The following SLBP variants were observed in gnomAD, a reference collection of about 807,000 sequenced individuals.
SLBP encodes stem-loop histone mRNA binding protein.
SLBP carries 29 observed loss-of-function variants against 39.2 expected under a neutral mutation model. The ratio of observed to expected loss-of-function variants is 0.74; its 90% CI spans 0.55 to 1.01. The LOEUF (loss-of-function observed/expected upper bound fraction) is 1.01, where lower values mean the gene tolerates loss of function less well. SLBP is among the 50% of genes least tolerant of loss of function. The probability of loss-of-function intolerance (pLI) is 0.00; values close to 1 mark genes in which losing one functional copy is unlikely to be tolerated. For missense variants in SLBP, 390 were observed against 350.2 expected (o/e 1.11, Z -0.91); for synonymous variants, 129 against 118.7 (o/e 1.09, Z -0.57).
At chr4:1,702,022 T>C (rs1469144619) in intron 3 of SLBP, among the ~76,000 whole-genome samples, 1 of 152,114 alleles carries the variant, frequency 6.6e-6, no homozygotes, top group African/African-American at 2.4e-5. Flanking sequence ...CACAGACCCA[T>C]GAGATATCTG....
rs112502096 is a variant in SLBP, at chr4:1,696,435, T to C, written c.480-84A>G. 2.0e-5 allele frequency: 24 copies of C among 1,174,480 alleles called. No homozygotes were observed. The African/African-American group carries it at 3.2e-4, about 16-fold the overall frequency. 72.8% of individuals were successfully genotyped at this position (1,174,480 alleles called of 1,614,324 possible). On this transcript the variant is annotated intron_variant, in intron 5 of 7. Transcript: ENST00000489418. The stretch of plus-strand genomic sequence containing the variant: ...CCTGAAGATTAACCAAACTATGAGA[T>C]TAGTATTATTTTAAATATTACAGAT...
intron 2 of SLBP, among the ~76,000 whole-genome samples, chr4:1,705,086 T>C (rs1325632179): frequency 6.6e-6 from 1 of 152,066 alleles, no homozygotes; most frequent in East Asian, 1.9e-4. Flanking sequence ...AGCCACCACG[T>C]CCAGCTAATT....
rs1716109029 is a variant in SLBP at position 1,696,474 on chromosome 4, GGC to G, written c.480-125_480-124del. On this transcript the variant is annotated intron_variant, in intron 5 of 7. Coordinates refer to ENST00000489418, the MANE Select transcript of SLBP (RefSeq NM_006527.4). ...AATATTACAGATCACCAGGCATGGT[GGC>G]TCATGCCTGTAATCCTAGCATTTTG... The G allele has an allele frequency of 1.1e-5, 9 of 806,564 alleles. No homozygotes were observed. The Admixed American group carries it at 2.9e-4, about 26-fold the overall frequency. 50.0% of individuals were successfully genotyped at this position (806,564 alleles called of 1,614,324 possible).
At chr4:1,703,013 G>A (rs969492614) in intron 3 of SLBP, among the ~76,000 whole-genome samples, 1 of 152,064 alleles carries the variant, frequency 6.6e-6, no homozygotes, top group African/African-American at 2.4e-5. Context: ...TTGGGAGGCC[G>A]AGGTGGGCGG....
chr4:1,696,228 C>T lies in SLBP; in HGVS notation c.603G>A (p.Ala201=), dbSNP rs776681470. ...TTTCTTGCAAATCACATCCTTCTTC[C>T]GCTGGAGGATCCCAAAAATGCAGAG... ...KVALHFWDPP[A]EEGCDLQEIH... The change falls in exon 6 of 8, where the codon GCG becomes GCA. Residue 201 remains alanine (A), a synonymous_variant. Coordinates refer to ENST00000489418, the MANE Select transcript of SLBP (RefSeq NM_006527.4). The T allele has an allele frequency of 3.1e-6, 5 of 1,598,136 alleles. No individual in the cohort carries two copies. The highest frequency in any genetic ancestry group is 4.3e-6 in the Non-Finnish European group (5 of 1,174,110).
chr4:1,694,023 A>G (rs1240303628), intron 7 of SLBP, among the ~76,000 whole-genome samples: 5 of 152,236 alleles, frequency 3.3e-5, no homozygotes, highest in African/African-American at 4.8e-5. Context: ...AGCCTAGACA[A>G]AACCACAAAT....
At chr4:1,709,812 C>T (rs1354735115) in intron 2 of SLBP, among the ~76,000 whole-genome samples, 2 of 152,154 alleles carry the variant, frequency 1.3e-5, no homozygotes, top group Non-Finnish European at 2.9e-5. Flanking sequence ...GGGTTTTCAC[C>T]GTGTTAGCCA....
At position 1,703,620 on chromosome 4, in the gene SLBP, G is replaced by C. The variant is rs1716410761; in HGVS notation, c.257C>G (p.Thr86Ser). 2 of 1,612,526 alleles carry C rather than the reference G, an allele frequency of 1.2e-6. No homozygotes were observed. The highest frequency in any genetic ancestry group is 1.7e-5 in the Admixed American group (1 of 60,006). Reference sequence around the variant, plus strand: ...CCTTGCCATTTCTTTGTTAACTCTGGTCCTCATTTCATCTTCTTCAACTGC... The same window carrying C: ...CCTTGCCATTTCTTTGTTAACTCTGCTCCTCATTTCATCTTCTTCAACTGC... ...ASAVEEDEMRTRVNKEMARYK... is the reference protein window; with the variant it reads ...ASAVEEDEMRSRVNKEMARYK... The change falls in exon 3 of 8, where the codon ACC becomes AGC. Residue 86 changes from threonine to serine, a missense_variant. Coordinates refer to ENST00000489418, the MANE Select transcript of SLBP (RefSeq NM_006527.4).
chr4:1,694,745 A>C (rs1364817132), intron 7 of SLBP, 29 bp downstream of exon 7: 1 of 1,545,112 alleles, frequency 6.5e-7, no homozygotes, highest in Non-Finnish European at 9.0e-7. Context: ...TGCAACCCCC[A>C]AGCTGAAAGA....
intron 5 of SLBP, among the ~76,000 whole-genome samples, chr4:1,697,684 T>C (rs1716164118): frequency 6.7e-6 from 1 of 150,320 alleles, no homozygotes; most frequent in South Asian, 2.1e-4. Flanking sequence ...GTACTAAAAA[T>C]ACAAAAAAAT....
chr4:1,706,354 T>A (rs529978674), intron 2 of SLBP, among the ~76,000 whole-genome samples: 1 of 152,292 alleles, frequency 6.6e-6, no homozygotes, highest in East Asian at 1.9e-4. Flanking sequence ...TAATTCAGAA[T>A]GTTATGTACA....
chr4:1,708,280 A>G (rs748041279), intron 2 of SLBP, among the ~76,000 whole-genome samples: 26 of 152,174 alleles, frequency 1.7e-4, no homozygotes, highest in Non-Finnish European at 3.1e-4. Context: ...AACTTTAATT[A>G]CAACAAATAA....
chr4:1,703,569 C>A (rs1716409125), intron 3 of SLBP, 27 bp downstream of exon 3: 2 of 1,367,346 alleles, frequency 1.5e-6, no homozygotes, highest in Admixed American at 3.4e-5. Flanking sequence ...CACAGATTAA[C>A]ACTTCAAGGT....
chr4:1,710,499 G>A (rs1404215419), intron 2 of SLBP, among the ~76,000 whole-genome samples: 1 of 152,200 alleles, frequency 6.6e-6, no homozygotes, highest in Non-Finnish European at 1.5e-5. Context: ...GACATACCTA[G>A]AAGAACACGA....
chr4:1,707,558 G>A (rs981725127), intron 2 of SLBP, among the ~76,000 whole-genome samples: 1 of 152,002 alleles, frequency 6.6e-6, no homozygotes, highest in African/African-American at 2.4e-5. Context: ...CCAAATTCTG[G>A]CAGTTCAAAT....
At position 1,699,679 on chromosome 4, in the gene SLBP, A is replaced by C; in HGVS notation, c.364T>G (p.Ser122Ala). The C allele has an allele frequency of 6.2e-7, 1 of 1,613,886 alleles. No homozygotes were observed. Among genetic ancestry groups the C allele is most frequent in the Non-Finnish European group, 8.5e-7 (1 of 1,179,796 alleles). The change falls in exon 5 of 8, where the codon TCT becomes GCT. Residue 122 changes from serine to alanine, a missense_variant. Physicochemically the swap from Ser to Ala is moderately conservative, Grantham distance 99. Transcript: ENST00000489418. The part of the protein sequence containing the change: ...SGSSDSKESM[S>A]TVPADFETDE... Reference sequence around the variant, plus strand: ...GTCTCAAAGTCAGCCGGCACAGTAGACATAGACTCCTTTGAATCAGAACTG... The same window carrying C: ...GTCTCAAAGTCAGCCGGCACAGTAGCCATAGACTCCTTTGAATCAGAACTG...
intron 6 of SLBP, 43 bp downstream of exon 6, chr4:1,696,159 A>T: frequency 6.6e-7 from 1 of 1,526,222 alleles, no homozygotes; most frequent in Non-Finnish European, 8.8e-7. Context: ...CAGTCACTGG[A>T]CCAATCAGAG....
At chr4:1,694,621 C>G (rs1164333334) in intron 7 of SLBP, among the ~76,000 whole-genome samples, 153 bp downstream of exon 7, 2 of 152,020 alleles carry the variant, frequency 1.3e-5, no homozygotes, top group African/African-American at 2.4e-5. Context: ...GAATTCCTGA[C>G]TTCAGGTGAT....
chr4:1,703,799 C>T lies in SLBP; in HGVS notation c.177-99G>A, dbSNP rs1319362254. ...TTCAAAGGCTGGTGGGACACAGTGG[C>T]TTGTGCCTGTAATACCAGCACTTTG... On this transcript the variant is annotated intron_variant, in intron 2 of 7. Coordinates refer to ENST00000489418, the MANE Select transcript of SLBP (RefSeq NM_006527.4). The T allele has an allele frequency of 4.0e-5, 35 of 885,036 alleles. No homozygotes were observed. The South Asian group carries it at 4.4e-4, about 11-fold the overall frequency. 54.8% of individuals were successfully genotyped at this position (885,036 alleles called of 1,614,324 possible). A position where few individuals can be genotyped will look rare whatever the true frequency, so the allele number is the denominator to read the frequency against.
Sources: allele counts gnomAD v4.1 joint callset (sites outside exome capture counted in the v4.1 genomes callset), GRCh38; gene constraint gnomAD v4.1.1; transcripts MANE v1.5; gene names NCBI Gene and HGNC (gene_info 2026-07-23, HGNC 2026-07-21).